PCDHGA5: variants seen among roughly 807,000 people sequenced by gnomAD.
The protein encoded by PCDHGA5 is protocadherin gamma-A5.
PCDHGA5 carries 36 observed loss-of-function variants against 56.7 expected under a neutral mutation model. That is an observed-to-expected ratio of 0.64 (90% CI 0.49 to 0.84). PCDHGA5 has a LOEUF of 0.84. Among genes scored for constraint, PCDHGA5 ranks in the 40% least tolerant of loss-of-function variants. The probability of loss-of-function intolerance (pLI) is 0.00; values close to 1 mark genes in which losing one functional copy is unlikely to be tolerated. For synonymous variants in PCDHGA5, 563 were observed against 520.2 expected (o/e 1.08, Z -1.12); for missense variants, 1,305 against 1,201.5 (o/e 1.09, Z -1.27).
intron 1 of PCDHGA5, chr5:141,376,051 C>G (rs771320447): frequency 7.4e-6 from 12 of 1,613,344 alleles, no homozygotes; most frequent in Non-Finnish European, 9.3e-6. Context: ...CTCTCTCCGC[C>G]ACTGTCACGC....
At chr5:141,462,235 C>T (rs1389326284) in intron 1 of PCDHGA5, among the ~76,000 whole-genome samples, 1 of 152,206 alleles carries the variant, frequency 6.6e-6, no homozygotes, top group African/African-American at 2.4e-5. Flanking sequence ...GCAGGGATTA[C>T]AGGTATGAGC....
At chr5:141,472,994 A>AAAG (rs2099310386) in intron 1 of PCDHGA5, among the ~76,000 whole-genome samples, 1 of 151,692 alleles carries the variant, frequency 6.6e-6, no homozygotes, top group Non-Finnish European at 1.5e-5. Flanking sequence ...AAAAAAAAAA[A>AAAG]AAAGAAAGAA....
In PCDHGA5 at chr5:141,375,324, A is replaced by C. The variant is rs751354618; in HGVS notation, c.2421+8573A>C. On this transcript the variant is annotated intron_variant, in intron 1 of 3. Coordinates refer to ENST00000518069, the MANE Select transcript of PCDHGA5 (RefSeq NM_018918.3). ...ACAAATGCAGCTCTAGACCGGGAAGAGGTATTCTTGTACAACATCACTGTG... is the reference window on the plus strand; with the variant it reads ...ACAAATGCAGCTCTAGACCGGGAAGCGGTATTCTTGTACAACATCACTGTG... 1.9e-6 allele frequency: 3 copies of C among 1,613,688 alleles called. No homozygotes were observed. In the African/African-American group the frequency reaches 4.0e-5, roughly 22 times the overall value.
Position 141,491,984 on chromosome 5 carries a change from C to G in PCDHGA5, c.2422-2823C>G. 1.4e-6 allele frequency: 1 copy of G among 734,256 alleles called. No homozygotes were observed. The highest frequency in any genetic ancestry group is 3.2e-5 in the East Asian group (1 of 31,678). The allele number at this position is 734,256 out of a possible 1,614,324, so 45.5% of individuals were successfully genotyped here. ...AAGGCCGGGGCCTCCTTCGAGCTTC[C>G]GGTGAATTTCGGGCGATTTCCGCGG... On this transcript the variant is annotated intron_variant, in intron 1 of 3. Coordinates refer to ENST00000518069, the MANE Select transcript of PCDHGA5 (RefSeq NM_018918.3). The surrounding 1 kb of genome is among the most constrained non-coding windows in gnomAD (Gnocchi z 6.9).
intron 1 of PCDHGA5, chr5:141,409,276 G>T: frequency 6.2e-7 from 1 of 1,614,000 alleles, no homozygotes; most frequent in Non-Finnish European, 8.5e-7. Flanking sequence ...AGATTTTGGA[G>T]AATTCACCTC....
chr5:141,415,761 T>G (rs1047830043), intron 1 of PCDHGA5: 49 of 1,399,492 alleles, frequency 3.5e-5, no homozygotes, highest in Admixed American at 1.6e-4. Context: ...TTTTTTTTTT[T>G]TTTTTTTTTT....
Position 141,489,828 on chromosome 5 carries a change from A to G in PCDHGA5, c.2422-4979A>G. The G allele has an allele frequency of 1.9e-6, 3 of 1,614,010 alleles. No homozygotes were observed. The highest frequency in any genetic ancestry group is 1.1e-5 in the South Asian group (1 of 91,080). ...GGAAGCCATTCCCAGAGCTGGTGCTAGAGCAGCAGCTGGATCGTGAAGCCC... is the reference window on the plus strand; with the variant it reads ...GGAAGCCATTCCCAGAGCTGGTGCTGGAGCAGCAGCTGGATCGTGAAGCCC... On this transcript the variant is annotated intron_variant, in intron 1 of 3. Transcript: ENST00000518069. The surrounding 1 kb of genome is among the most constrained non-coding windows in gnomAD (Gnocchi z 4.5).
At chr5:141,390,266 A>C in intron 1 of PCDHGA5, 2 of 1,614,010 alleles carry the variant, frequency 1.2e-6, no homozygotes, top group East Asian at 4.5e-5. Context: ...ATTCCAGTGA[A>C]TTGACTTCCC....
At chr5:141,438,268 C>T (rs949472857) in intron 1 of PCDHGA5, among the ~76,000 whole-genome samples, 1 of 152,054 alleles carries the variant, frequency 6.6e-6, no homozygotes. Flanking sequence ...ACCATAGAAT[C>T]AAACAAAATA....
At chr5:141,428,400 G>C (rs373595231) in intron 1 of PCDHGA5, 4 of 483,290 alleles carry the variant, frequency 8.3e-6, no homozygotes, top group African/African-American at 2.0e-5. Flanking sequence ...CCTCTGCCTG[G>C]GGTTGCTTTC....
chr5:141,372,028 A>G (rs1367060313), intron 1 of PCDHGA5: 2 of 1,613,362 alleles, frequency 1.2e-6, no homozygotes, highest in South Asian at 1.1e-5. Flanking sequence ...CTCAGCGCCA[A>G]CGTGAGCCTG....
rs1374592449 is a variant in PCDHGA5 at position 141,387,964 on chromosome 5, C to T, written c.2421+21213C>T. ...CTCTTCCTGCTGTCTTTGTTCTGCC[C>T]GGCGCTCTGTGAGCAGATCCGCTAC... On this transcript the variant is annotated intron_variant, in intron 1 of 3. Transcript: ENST00000518069. 1.3e-6 allele frequency: 2 copies of T among 1,493,070 alleles called. No individual in the cohort carries two copies. The highest frequency in any genetic ancestry group is 2.2e-5 in the Admixed American group (1 of 45,422). 92.5% of individuals were successfully genotyped at this position (1,493,070 alleles called of 1,614,324 possible).
chr5:141,432,287 G>T lies in PCDHGA5; in HGVS notation c.2422-62520G>T. 1 of 1,614,216 alleles carries T rather than the reference G, an allele frequency of 6.2e-7. No individual in the cohort carries two copies. The highest frequency in any genetic ancestry group is 8.5e-7 in the Non-Finnish European group (1 of 1,180,030). On this transcript the variant is annotated intron_variant, in intron 1 of 3. Coordinates refer to ENST00000518069, the MANE Select transcript of PCDHGA5 (RefSeq NM_018918.3). This position sits in a 1 kb window ranked among gnomAD's most constrained non-coding sequence, Gnocchi z 6.0. ...ATCGTCCTACGTGTCCATCAACTCC[G>T]ACACTGGGGTACTGTATGCGCTGAG...
At chr5:141,393,937 ACT>A in intron 1 of PCDHGA5, 3 of 1,613,906 alleles carry the variant, frequency 1.9e-6, no homozygotes, top group Non-Finnish European at 2.5e-6. Flanking sequence ...CATGACCAAG[ACT>A]CTGGAAAGAA....
chr5:141,392,704 G>A, intron 1 of PCDHGA5: 1 of 1,281,856 alleles, frequency 7.8e-7, no homozygotes, highest in East Asian at 2.6e-5. Flanking sequence ...CCTGTTTGGA[G>A]GCACTCCAGG....
chr5:141,373,110 T>C (rs878923875), intron 1 of PCDHGA5, among the ~76,000 whole-genome samples: 8 of 152,232 alleles, frequency 5.3e-5, no homozygotes, highest in African/African-American at 1.9e-4. Flanking sequence ...GACATATCTA[T>C]CCAGAATTAG....
rs753717509 is a variant in PCDHGA5 at position 141,365,395 on chromosome 5, G to A, written c.1065G>A (p.Ser355=). Residue 355 remains serine, a synonymous_variant, in exon 1 of 4, where the codon TCG becomes TCA. Coordinates refer to ENST00000518069, the MANE Select transcript of PCDHGA5 (RefSeq NM_018918.3). ...TGATCCTCACCTCTCTGACCAGTTC[G>A]ATCTCTGAAGACTGTCTTCCCGGAA... The part of the protein sequence containing the change: ...PEVILTSLTS[S]ISEDCLPGTV... 1 of 1,613,860 alleles carries A rather than the reference G, an allele frequency of 6.2e-7. No homozygotes were observed. The highest frequency in any genetic ancestry group is 8.5e-7 in the Non-Finnish European group (1 of 1,179,904).
In PCDHGA5 at chr5:141,489,104, A is replaced by C; in HGVS notation, c.2422-5703A>C. The stretch of plus-strand genomic sequence containing the variant: ...CCACTCGGTGACTAAGAACTGCTGC[A>C]AGCAGGCAAACCTCCGAGCAGTTTT... On this transcript the variant is annotated intron_variant, in intron 1 of 3. Coordinates refer to ENST00000518069, the MANE Select transcript of PCDHGA5 (RefSeq NM_018918.3). The surrounding 1 kb of genome is among the most constrained non-coding windows in gnomAD (Gnocchi z 4.5). 2.5e-6 allele frequency: 1 copy of C among 405,816 alleles called. No individual in the cohort carries two copies. Among genetic ancestry groups the C allele is most frequent in the Non-Finnish European group, 4.3e-6 (1 of 232,372 alleles). 25.1% of individuals were successfully genotyped at this position (405,816 alleles called of 1,614,324 possible). A position where few individuals can be genotyped will look rare whatever the true frequency, so the allele number is the denominator to read the frequency against.
intron 1 of PCDHGA5, chr5:141,393,572 G>C (rs1399932416): frequency 6.2e-7 from 1 of 1,613,908 alleles, no homozygotes; most frequent in South Asian, 1.1e-5. Context: ...AAGTCCTTGA[G>C]AACATGCCCC....
Sources: gnomAD v4.1 joint callset for allele counts (sites outside exome capture counted in the v4.1 genomes callset) on GRCh38, gnomAD v4.1.1 for gene constraint, Gnocchi (gnomAD v3.1) non-coding constraint, MANE v1.5 for transcripts, NCBI Gene and HGNC (gene_info 2026-07-23, HGNC 2026-07-21) for gene names.